Variants in EML4 observed in about 807,000 individuals in gnomAD.
EML4 encodes echinoderm microtubule-associated protein-like 4.
A neutral mutation model predicts 129.0 loss-of-function variants in EML4; 72 were observed. The observed-to-expected ratio is 0.56, with a 90% confidence interval of 0.46 to 0.68. The LOEUF (loss-of-function observed/expected upper bound fraction) is 0.68, where lower values mean the gene tolerates loss of function less well. Among genes scored for constraint, EML4 ranks in the 30% least tolerant of loss-of-function variants. The pLI is 0.00. For synonymous variants in EML4, 532 were observed against 405.0 expected, an observed-to-expected ratio of 1.31 and a Z score of -3.77; for missense variants, 1,363 against 1,190.6, an observed-to-expected ratio of 1.14 and a Z score of -2.13.
chr2:42,283,892 C>T (rs986177051), intron 8 of EML4, among the ~76,000 whole-genome samples: 1 of 152,124 alleles, frequency 6.6e-6, no homozygotes, highest in Non-Finnish European at 1.5e-5. Flanking sequence ...ATGTAAATAT[C>T]CCTCTGATGT....
chr2:42,188,109 C>A (rs148230275), intron 1 of EML4, among the ~76,000 whole-genome samples: 1 of 152,252 alleles, frequency 6.6e-6, no homozygotes, highest in African/African-American at 2.4e-5. Context: ...ATTGAATTAC[C>A]TTGGCACCTT....
chr2:42,328,976 G>A lies in EML4; in HGVS notation c.2432G>A (p.Cys811Tyr), dbSNP rs2103846962. The change falls in exon 22 of 23, where the codon TGT (cysteine) becomes TAT (tyrosine). Residue 811 changes from cysteine (C) to tyrosine (Y), a missense_variant. Physicochemically the swap from Cys to Tyr is radical, Grantham distance 194 (BLOSUM62 -2). Coordinates refer to ENST00000318522, the MANE Select transcript of EML4 (RefSeq NM_019063.5). ...GTGATAGCTGTTGCCGATGACTTTT[G>A]TAAAGTCCATCTGTTTCAGTATCCC... ...RKVIAVADDF[C>Y]KVHLFQYPCS... The A allele has an allele frequency of 6.2e-7, 1 of 1,613,182 alleles. No homozygotes were observed. Among genetic ancestry groups the A allele is most frequent in the Non-Finnish European group, 8.5e-7 (1 of 1,179,840 alleles).
At chr2:42,290,184 G>A (rs1319344323) in intron 11 of EML4, among the ~76,000 whole-genome samples, 1 of 151,956 alleles carries the variant, frequency 6.6e-6, no homozygotes, top group Non-Finnish European at 1.5e-5. Flanking sequence ...GTCAGAGGGA[G>A]ATTTTGACTC....
intron 1 of EML4, among the ~76,000 whole-genome samples, chr2:42,213,784 A>G (rs1673019470): frequency 6.6e-6 from 1 of 152,278 alleles, no homozygotes; most frequent in African/African-American, 2.4e-5. Flanking sequence ...AGATACAAGA[A>G]TAGTTTACAT....
chr2:42,199,315 C>A lies in EML4; in HGVS notation c.25+29679C>A, dbSNP rs146310511. The stretch of plus-strand genomic sequence containing the variant: ...AGGAGGAGAGCAGCTAGGATGTTCA[C>A]GTGGATTGGAATTTGCCCAGGCTAA... On this transcript the variant is annotated intron_variant, in intron 1 of 22. Coordinates refer to ENST00000318522, the MANE Select transcript of EML4 (RefSeq NM_019063.5). Among the ~76,000 whole-genome samples the A allele has an allele frequency of 9.4e-4, 143 of 152,180 alleles. 1 individual carries two copies. The highest frequency in any genetic ancestry group is 3.4e-3 in the African/African-American group (141 of 41,508).
At chr2:42,192,071 G>C (rs188538260) in intron 1 of EML4, among the ~76,000 whole-genome samples, 2 of 150,530 alleles carry the variant, frequency 1.3e-5, no homozygotes, top group African/African-American at 4.9e-5. Flanking sequence ...CCTGGGAGGC[G>C]AGGTTGCAGT....
At chr2:42,193,297 A>C (rs1471175519) in intron 1 of EML4, among the ~76,000 whole-genome samples, 1 of 152,230 alleles carries the variant, frequency 6.6e-6, no homozygotes, top group Admixed American at 6.5e-5. Flanking sequence ...GATTTTGCAC[A>C]ATGAAATTGC....
At position 42,323,256 on chromosome 2, in the gene EML4, G is replaced by A. The variant is rs75689773; in HGVS notation, c.2155-2211G>A. On this transcript the variant is annotated intron_variant, in intron 19 of 22. Coordinates refer to ENST00000318522, the MANE Select transcript of EML4 (RefSeq NM_019063.5). ...AAGCATGGCTTCCCCAGACGCCAGA[G>A]CCAGGCTCATGTGCACTATGAAAAG... is the stretch of plus-strand genomic sequence containing the variant. Among the ~76,000 whole-genome samples the A allele has an allele frequency of 6.1e-4, 93 of 152,304 alleles. 1 individual carries two copies. The highest frequency in any genetic ancestry group is 2.1e-3 in the African/African-American group (87 of 41,550).
Position 42,263,445 on chromosome 2 carries a change from G to A in EML4, c.641+139G>A, listed in dbSNP as rs538424746. On this transcript the variant is annotated intron_variant, in intron 5 of 22. Transcript: ENST00000318522. Reference sequence around the variant, plus strand: ...TTTTGTGACAGAGTCTTGCTCTGTCGCCAGGCTGGAGTGCAGTGGCACCAT... The same window carrying A: ...TTTTGTGACAGAGTCTTGCTCTGTCACCAGGCTGGAGTGCAGTGGCACCAT... 50 of 798,416 alleles carry A rather than the reference G, an allele frequency of 6.3e-5. No individual in the cohort carries two copies. The South Asian group carries it at 9.3e-4, about 15-fold the overall frequency. The allele number at this position is 798,416 out of a possible 1,614,324, so 49.5% of individuals were successfully genotyped here.
chr2:42,233,859 T>C (rs1002387929), intron 1 of EML4, among the ~76,000 whole-genome samples: 3 of 152,254 alleles, frequency 2.0e-5, no homozygotes, highest in Non-Finnish European at 2.9e-5. Flanking sequence ...TATGACTTGC[T>C]ACTTTGTATA....
chr2:42,187,236 A>G (rs919703480), intron 1 of EML4, among the ~76,000 whole-genome samples: 4 of 151,718 alleles, frequency 2.6e-5, no homozygotes, highest in African/African-American at 7.3e-5. Context: ...TTTTGTAGAA[A>G]TGGGGTTTTG....
intron 1 of EML4, among the ~76,000 whole-genome samples, chr2:42,201,148 A>G (rs1216096206): frequency 6.6e-6 from 1 of 152,234 alleles, no homozygotes; most frequent in African/African-American, 2.4e-5. Flanking sequence ...TTTGTTGGCT[A>G]CATGCTAGCT....
intron 17 of EML4, among the ~76,000 whole-genome samples, chr2:42,313,710 C>G (rs1422391551): frequency 6.6e-6 from 1 of 152,044 alleles, no homozygotes; most frequent in African/African-American, 2.4e-5. Context: ...AGGGGATCAC[C>G]TGAGGTCAGG....
At chr2:42,272,479 G>GT (rs1363779020) in intron 6 of EML4, among the ~76,000 whole-genome samples, 7 of 151,954 alleles carry the variant, frequency 4.6e-5, no homozygotes, top group Non-Finnish European at 7.4e-5. Flanking sequence ...TGATTCAGGG[G>GT]TTTTTTTCAT....
rs1670045985 is a variant in EML4, at chr2:42,330,421, A to C, written c.*214A>C. 2 of 634,516 alleles carry C rather than the reference A, an allele frequency of 3.2e-6. No individual in the cohort carries two copies. The highest frequency in any genetic ancestry group is 2.9e-6 in the Non-Finnish European group (1 of 350,482). The allele number at this position is 634,516 out of a possible 1,614,324, so 39.3% of individuals were successfully genotyped here. On this transcript the variant is annotated 3_prime_UTR_variant, in exon 23 of 23. Coordinates refer to ENST00000318522, the MANE Select transcript of EML4 (RefSeq NM_019063.5). ...TTATTGAAAATTAACCAAACTTAAT[A>C]CTAGGAGAAGACTGAATCATTAATG...
chr2:42,288,253 T>C lies in EML4; in HGVS notation c.1149T>C (p.Ile383=). ...ATTCAGGTGTTCATTTATGTATTAT[T>C]GATGACTCCAATGAGCATATGCTTA... ...KADSGVHLCI[I]DDSNEHMLTV... is the part of the protein sequence containing the mutation. The change falls in exon 11 of 23, where the codon ATT becomes ATC. Residue 383 remains isoleucine (I), a synonymous_variant. Coordinates refer to ENST00000318522, the MANE Select transcript of EML4 (RefSeq NM_019063.5). The C allele has an allele frequency of 6.5e-7, 1 of 1,535,024 alleles. No homozygotes were observed. Among genetic ancestry groups the C allele is most frequent in the East Asian group, 2.3e-5 (1 of 42,718 alleles).
At position 42,325,574 on chromosome 2, in the gene EML4, TA is replaced by T; in HGVS notation, c.2242+21del. The T allele has an allele frequency of 2.2e-6, 1 of 463,998 alleles. No individual in the cohort carries two copies. Among genetic ancestry groups the T allele is most frequent in the Non-Finnish European group, 3.7e-6 (1 of 269,966 alleles). 28.7% of individuals were successfully genotyped at this position (463,998 alleles called of 1,614,324 possible). A position where few individuals can be genotyped will look rare whatever the true frequency, so the allele number is the denominator to read the frequency against. ...TGTACTGTAAGTATGAATGATTTTA[TA>T]TATATATATATATGCTATGATTATA... On this transcript the variant is annotated intron_variant, in intron 20 of 22. Coordinates refer to ENST00000318522, the MANE Select transcript of EML4 (RefSeq NM_019063.5).
At chr2:42,291,162 C>T (rs1456753169) in intron 11 of EML4, among the ~76,000 whole-genome samples, 1 of 152,100 alleles carries the variant, frequency 6.6e-6, no homozygotes, top group Non-Finnish European at 1.5e-5. Flanking sequence ...GTGAATGGTG[C>T]TGGCTTAATT....
chr2:42,247,825 A>C (rs1051789048), intron 2 of EML4, among the ~76,000 whole-genome samples: 1 of 152,068 alleles, frequency 6.6e-6, no homozygotes. Flanking sequence ...TATGGGCTTT[A>C]TAGGGAATAT....
Sources: allele counts gnomAD v4.1 joint callset (sites outside exome capture counted in the v4.1 genomes callset), GRCh38; gene constraint gnomAD v4.1.1; transcripts MANE v1.5; gene names NCBI Gene and HGNC (gene_info 2026-07-23, HGNC 2026-07-21).